Variants in FHIP1A observed in about 807,000 individuals in gnomAD.
FHIP1A encodes FHF complex subunit HOOK interacting protein 1A, also known as FHF complex subunit HOOK-interacting protein 1A.
FHIP1A carries 61 observed loss-of-function variants against 88.6 expected under a neutral mutation model. That is an observed-to-expected ratio of 0.69 (90% CI 0.56 to 0.85). The LOEUF (loss-of-function observed/expected upper bound fraction) is 0.85. FHIP1A is among the 40% of genes least tolerant of loss of function. FHIP1A has a pLI of 0.00. For synonymous variants in FHIP1A, 478 were observed against 496.0 expected (o/e 0.96, Z 0.48); for missense variants, 1,154 against 1,273.5 (o/e 0.91, Z 1.43).
chr4:151,544,813 C>T (rs1479284211), intron 3 of FHIP1A, among the ~76,000 whole-genome samples: 2 of 152,122 alleles, frequency 1.3e-5, no homozygotes, highest in African/African-American at 4.8e-5. Context: ...CCTTGCTCTG[C>T]AGGTTCAGAG....
At chr4:151,463,500 C>T (rs1303944017) in intron 2 of FHIP1A, among the ~76,000 whole-genome samples, 2 of 152,226 alleles carry the variant, frequency 1.3e-5, no homozygotes, top group Non-Finnish European at 1.5e-5. Flanking sequence ...GAAGATTACA[C>T]TTCCTCCTTT....
At position 151,662,809 on chromosome 4, in the gene FHIP1A, A is replaced by C. The variant is rs1252998610; in HGVS notation, c.*55A>C. 7.3e-7 allele frequency: 1 copy of C among 1,367,942 alleles called. No individual in the cohort carries two copies. Among genetic ancestry groups the C allele is most frequent in the Non-Finnish European group, 9.6e-7 (1 of 1,040,730 alleles). 84.7% of individuals were successfully genotyped at this position (1,367,942 alleles called of 1,614,324 possible). A position where few individuals can be genotyped will look rare whatever the true frequency, so the allele number is the denominator to read the frequency against. On this transcript the variant is annotated 3_prime_UTR_variant, in exon 14 of 14. Transcript: ENST00000435205. ...TGTTTTGTAAGGTTTTAGTGTCTTG[A>C]CTGAATGTTAAATGCAAAGCTGCTT...
At chr4:151,653,089 A>C (rs1220785752) in intron 11 of FHIP1A, among the ~76,000 whole-genome samples, 1 of 152,186 alleles carries the variant, frequency 6.6e-6, no homozygotes, top group African/African-American at 2.4e-5. Flanking sequence ...GCTTTTATCT[A>C]GTAATTCTGT....
intron 2 of FHIP1A, among the ~76,000 whole-genome samples, chr4:151,458,694 T>C (rs766879334): frequency 1.4e-4 from 21 of 152,128 alleles, no homozygotes; most frequent in Non-Finnish European, 1.2e-4. Flanking sequence ...ATAACTAAAA[T>C]GTATGGGGTT....
At chr4:151,625,530 A>G (rs1262622320) in intron 7 of FHIP1A, among the ~76,000 whole-genome samples, 1 of 152,228 alleles carries the variant, frequency 6.6e-6, no homozygotes, top group African/African-American at 2.4e-5. Flanking sequence ...ACTAGAGCTG[A>G]TTACAGAAAG....
rs1560821679 is a variant in FHIP1A at position 151,650,155 on chromosome 4, T to A, written c.2114T>A (p.Phe705Tyr). 6.4e-7 allele frequency: 1 copy of A among 1,551,656 alleles called. No homozygotes were observed. Among genetic ancestry groups the A allele is most frequent in the East Asian group, 2.4e-5 (1 of 40,916 alleles). Residue 705 changes from phenylalanine to tyrosine, a missense_variant, in exon 11 of 14, where the codon TTT becomes TAT. Physicochemically the swap from Phe to Tyr is conservative, Grantham distance 22. Coordinates refer to ENST00000435205, the MANE Select transcript of FHIP1A (RefSeq NM_001109977.3). ...TGGAATAGGGACAATTCAGACCCGT[T>A]TCACAGTGAGCCCAAGGAGCCAAAG... ...EEWNRDNSDPFHSEPKEPKQE... is the reference protein window; with the variant it reads ...EEWNRDNSDPYHSEPKEPKQE...
chr4:151,570,100 C>T (rs1733541270), intron 4 of FHIP1A, among the ~76,000 whole-genome samples: 1 of 152,194 alleles, frequency 6.6e-6, no homozygotes, highest in African/African-American at 2.4e-5. Context: ...TCAGTGGCAT[C>T]TGGCCACCTA....
chr4:151,527,499 CAGAGGGAGACCGTTTAAAGAGAGGG>C (rs1239341248), intron 3 of FHIP1A, among the ~76,000 whole-genome samples: 26 of 152,050 alleles, frequency 1.7e-4, no homozygotes, highest in Admixed American at 5.9e-4. Flanking sequence ...GGCTCGGCAT[CAGAGGGAGACCGTTTAAAGAGAGGG>C]AGAGGGAGAC....
chr4:151,531,294 G>T (rs1731868751), intron 3 of FHIP1A, among the ~76,000 whole-genome samples: 1 of 151,794 alleles, frequency 6.6e-6, no homozygotes, highest in African/African-American at 2.4e-5. Flanking sequence ...AAGCAATCAG[G>T]ACTGAATGAC....
rs116561332 is a variant in FHIP1A, at chr4:151,436,857, C to T, written c.-355-17844C>T. Among the ~76,000 whole-genome samples, 402 of 152,086 alleles carry T rather than the reference C, an allele frequency of 2.6e-3. 1 individual carries two copies. The highest frequency in any genetic ancestry group is 9.2e-3 in the African/African-American group (380 of 41,504). ...CCAACATCCATGGGATGTTCAAGCCCCTGATATAAAATGACATAGTATTTG... is the reference window on the plus strand; with the variant it reads ...CCAACATCCATGGGATGTTCAAGCCTCTGATATAAAATGACATAGTATTTG... On this transcript the variant is annotated intron_variant, in intron 1 of 13. Coordinates refer to ENST00000435205, the MANE Select transcript of FHIP1A (RefSeq NM_001109977.3).
At chr4:151,447,130 A>T (rs1485993555) in intron 1 of FHIP1A, among the ~76,000 whole-genome samples, 1 of 152,178 alleles carries the variant, frequency 6.6e-6, no homozygotes, top group Non-Finnish European at 1.5e-5. Flanking sequence ...TAAAATGGCA[A>T]ATATTTGCGT....
At chr4:151,652,096 G>T (rs936365112) in intron 11 of FHIP1A, among the ~76,000 whole-genome samples, 1 of 152,144 alleles carries the variant, frequency 6.6e-6, no homozygotes, top group Non-Finnish European at 1.5e-5. Flanking sequence ...TAGAATGGCA[G>T]CTTTCTTACA....
intron 4 of FHIP1A, among the ~76,000 whole-genome samples, chr4:151,573,304 A>G (rs1444590139): frequency 6.6e-6 from 1 of 151,974 alleles, no homozygotes; most frequent in African/African-American, 2.4e-5. Flanking sequence ...ATACACACAC[A>G]CACATGTCTG....
intron 1 of FHIP1A, among the ~76,000 whole-genome samples, chr4:151,427,973 C>T (rs1298199140): frequency 6.6e-6 from 1 of 152,034 alleles, no homozygotes; most frequent in Admixed American, 6.5e-5. Flanking sequence ...TATAAAATCA[C>T]CCAATTTATG....
At chr4:151,659,936 C>G (rs1014848017) in intron 13 of FHIP1A, among the ~76,000 whole-genome samples, 4 of 152,230 alleles carry the variant, frequency 2.6e-5, no homozygotes, top group African/African-American at 9.6e-5. Flanking sequence ...CCATGCCTTT[C>G]TCTTTCTACT....
chr4:151,530,363 A>G (rs1731827726), intron 3 of FHIP1A, among the ~76,000 whole-genome samples: 1 of 152,154 alleles, frequency 6.6e-6, no homozygotes, highest in Non-Finnish European at 1.5e-5. Flanking sequence ...CATGGTAGGC[A>G]TACGATTCAT....
At chr4:151,616,743 C>T (rs1735546991) in intron 7 of FHIP1A, among the ~76,000 whole-genome samples, 1 of 151,318 alleles carries the variant, frequency 6.6e-6, no homozygotes, top group South Asian at 2.1e-4. Context: ...AGCCACCACG[C>T]CTGGCCAGTA....
chr4:151,605,068 G>C (rs115871284), intron 7 of FHIP1A, among the ~76,000 whole-genome samples: 1 of 152,048 alleles, frequency 6.6e-6, no homozygotes, highest in Admixed American at 6.6e-5. Context: ...TGGGAGACCC[G>C]TAGAGAGTTG....
chr4:151,635,692 A>C (rs911906915), intron 8 of FHIP1A, among the ~76,000 whole-genome samples: 13 of 151,908 alleles, frequency 8.6e-5, no homozygotes, highest in African/African-American at 3.1e-4. Flanking sequence ...AACTTAAAGA[A>C]ACAGAGGGTA....
Sources: allele counts gnomAD v4.1 joint callset (sites outside exome capture counted in the v4.1 genomes callset), GRCh38; gene constraint gnomAD v4.1.1; transcripts MANE v1.5; gene names NCBI Gene and HGNC (gene_info 2026-07-23, HGNC 2026-07-21).